ERICH6B: variants seen among roughly 807,000 people sequenced by gnomAD.
ERICH6B encodes the protein glutamate-rich protein 6B.
In ERICH6B, 69 loss-of-function variants were observed where a neutral mutation model predicts 80.0. That is an observed-to-expected ratio of 0.86 (90% confidence interval 0.71 to 1.05). The LOEUF (loss-of-function observed/expected upper bound fraction) is 1.05. Among genes scored for constraint, ERICH6B ranks in the 50% least tolerant of loss-of-function variants. The probability of loss-of-function intolerance (pLI) is 0.00; values close to 1 mark genes in which losing one functional copy is unlikely to be tolerated. For missense variants in ERICH6B, 754 were observed against 796.1 expected (o/e 0.95, Z 0.64); for synonymous variants, 283 against 291.9 (o/e 0.97, Z 0.31).
At position 45,541,372 on chromosome 13, in the gene ERICH6B, A is replaced by C; in HGVS notation, c.*90T>G. The C allele has an allele frequency of 8.9e-7, 1 of 1,126,226 alleles. No homozygotes were observed. The highest frequency in any genetic ancestry group is 1.3e-6 in the Non-Finnish European group (1 of 788,690). 69.8% of individuals were successfully genotyped at this position (1,126,226 alleles called of 1,614,324 possible). The stretch of plus-strand genomic sequence containing the variant: ...CAAATTACAAACCAACTCTCATAAA[A>C]GGTCAACAGGTCTTTGGGTTTTTTT... On this transcript the variant is annotated 3_prime_UTR_variant, in exon 15 of 15. Coordinates refer to ENST00000298738, the MANE Select transcript of ERICH6B (RefSeq NM_182542.3).
intron 5 of ERICH6B, among the ~76,000 whole-genome samples, chr13:45,586,745 T>G (rs1477620972): frequency 6.6e-6 from 1 of 152,154 alleles, no homozygotes; most frequent in African/African-American, 2.4e-5. Flanking sequence ...ATTGTGCCTG[T>G]GTTCATGTAG....
rs370048829 is a variant in ERICH6B, at chr13:45,587,017, C to A, written c.856+46G>T. ...GCACAAAACCATTCCTCCCCTGGCC[C>A]ACAGAGCCCGGCTGCGCCTCACCGA... On this transcript the variant is annotated intron_variant, in intron 5 of 14. Transcript: ENST00000298738. 1.3e-4 allele frequency: 191 copies of A among 1,524,544 alleles called. 1 individual carries two copies. In the African/African-American group the frequency reaches 2.3e-3, roughly 19 times the overall value. 94.4% of individuals were successfully genotyped at this position (1,524,544 alleles called of 1,614,324 possible).
At chr13:45,583,640 T>C (rs773773098) in intron 5 of ERICH6B, among the ~76,000 whole-genome samples, 2 of 152,180 alleles carry the variant, frequency 1.3e-5, no homozygotes, top group Non-Finnish European at 2.9e-5. Flanking sequence ...TGCTGGGAGA[T>C]AACTGAATCA....
intron 4 of ERICH6B, among the ~76,000 whole-genome samples, chr13:45,587,791 C>G (rs757624897): frequency 3.9e-5 from 6 of 152,188 alleles, no homozygotes; most frequent in Non-Finnish European, 4.4e-5. Flanking sequence ...GACACATCAA[C>G]CCACACTATG....
At chr13:45,558,767 T>C (rs1874541984) in intron 11 of ERICH6B, among the ~76,000 whole-genome samples, 1 of 152,250 alleles carries the variant, frequency 6.6e-6, no homozygotes, top group East Asian at 1.9e-4. Flanking sequence ...CATTCCTGCA[T>C]CCCTGGTATG....
intron 2 of ERICH6B, among the ~76,000 whole-genome samples, chr13:45,605,363 G>C (rs1170007413): frequency 1.3e-5 from 2 of 152,206 alleles, no homozygotes; most frequent in Non-Finnish European, 2.9e-5. Flanking sequence ...TCTGTTTCCA[G>C]ACTGGAGTAT....
rs117572178 is a variant in ERICH6B, at chr13:45,567,255, C to T, written c.1187+1060G>A. Among the ~76,000 whole-genome samples the T allele has an allele frequency of 7.5e-3, 1,135 of 152,230 alleles. 12 individuals carry two copies. Among genetic ancestry groups the T allele is most frequent in the African/African-American group, 0.025 (1,048 of 41,530 alleles). ...ACTTGCCTTGTCTCAGATGAGACTT[C>T]GGACTGTAAACTTTTGAATTAATGC... On this transcript the variant is annotated intron_variant, in intron 9 of 14. Transcript: ENST00000298738.
At position 45,596,867 on chromosome 13, in the gene ERICH6B, A is replaced by G. The variant is rs936643863; in HGVS notation, c.139T>C (p.Ser47Pro). 8.4e-6 allele frequency: 13 copies of G among 1,551,684 alleles called. No individual in the cohort carries two copies. The highest frequency in any genetic ancestry group is 1.0e-5 in the Non-Finnish European group (12 of 1,147,022). Residue 47 changes from serine (S) to proline (P), a missense_variant, in exon 3 of 15, where the codon TCT becomes CCT. Coordinates refer to ENST00000298738, the MANE Select transcript of ERICH6B (RefSeq NM_182542.3). Reference protein sequence around the residue: ...ELDEESLQDESPFSPEGESLE... With the variant: ...ELDEESLQDEPPFSPEGESLE... ...GACTCTCCCTCTGGAGAAAATGGAG[A>G]TTCATCCTGTAGACTTTCCTCATCT...
At chr13:45,606,524 TATATATATATATATATATATA>T (rs1949863397) in intron 2 of ERICH6B, among the ~76,000 whole-genome samples, 1 of 33,334 alleles carries the variant, frequency 3.0e-5, no homozygotes, top group Non-Finnish European at 5.2e-5. Context: ...TATATATATA[TATATATATATATATATATATA>T]TATTTTTTTT....
intron 3 of ERICH6B, among the ~76,000 whole-genome samples, chr13:45,595,033 G>A (rs185118625): frequency 1.1e-3 from 169 of 152,294 alleles, no homozygotes; most frequent in African/African-American, 3.9e-3. Flanking sequence ...TGCTGAAACA[G>A]TGTTGGAAAA....
rs146254566 is a variant in ERICH6B at position 45,542,527 on chromosome 13, G to A, written c.1873-847C>T. ...TGCACAGGCACAGCTGCCCCTCCCC[G>A]GGACTCTAGCTCTCCAAGGCGTCAG... On this transcript the variant is annotated intron_variant, in intron 14 of 14. Transcript: ENST00000298738. 4.0e-3 allele frequency among the ~76,000 whole-genome samples: 612 copies of A among 152,274 alleles called. 6 individuals are homozygous for A. Among genetic ancestry groups the A allele is most frequent in the South Asian group, 0.035 (168 of 4,820 alleles).
Position 45,610,857 on chromosome 13 carries a change from GTA to G in ERICH6B, c.-110-3244_-110-3243del, listed in dbSNP as rs1555306981. 2.3e-4 allele frequency among the ~76,000 whole-genome samples: 34 copies of G among 147,042 alleles called. No homozygotes were observed. The East Asian group carries it at 6.0e-3, about 26-fold the overall frequency. On this transcript the variant is annotated intron_variant, in intron 1 of 14. Transcript: ENST00000298738. ...ACTGTGTGTGTGTGTGTGTGTGTGT[GTA>G]TATATATATTTATATATAATATACA...
chr13:45,587,144 T>C lies in ERICH6B; in HGVS notation c.775A>G (p.Thr259Ala). The change falls in exon 5 of 15, where the codon ACA becomes GCA. Residue 259 changes from threonine (T) to alanine (A), a missense_variant. Thr to Ala is a moderately conservative substitution (Grantham distance 58, BLOSUM62 0). Transcript: ENST00000298738. ...GTCAGAAGCAACTCAGAAGACTCTG[T>C]GGCAGATTCAGAGACAGGAGAAGGG... ...ATPSPVSESATESSELLLTLY... is the reference protein window; with the variant it reads ...ATPSPVSESAAESSELLLTLY... 6.4e-7 allele frequency: 1 copy of C among 1,551,632 alleles called. No individual in the cohort carries two copies. The highest frequency in any genetic ancestry group is 8.7e-7 in the Non-Finnish European group (1 of 1,146,972).
At position 45,550,226 on chromosome 13, in the gene ERICH6B, G is replaced by A. The variant is rs1283207256; in HGVS notation, c.1493+5C>T. The A allele has an allele frequency of 6.4e-7, 1 of 1,550,668 alleles. No homozygotes were observed. The highest frequency in any genetic ancestry group is 2.0e-5 in the Admixed American group (1 of 50,992). On this transcript the variant is annotated splice_donor_5th_base_variant and intron_variant, in intron 12 of 14. Coordinates refer to ENST00000298738, the MANE Select transcript of ERICH6B (RefSeq NM_182542.3). ...ATACGAGCATCCCTGTGCTTCTGTG[G>A]ATACTGTATCTGGCCTGTCCCATCA... is the stretch of plus-strand genomic sequence containing the variant.
Position 45,591,528 on chromosome 13 carries a change from G to A in ERICH6B, c.638-831C>T, listed in dbSNP as rs187379539. 8.0e-4 allele frequency among the ~76,000 whole-genome samples: 122 copies of A among 152,244 alleles called. 1 individual carries two copies. The South Asian group carries it at 0.015, about 18-fold the overall frequency. On this transcript the variant is annotated intron_variant, in intron 3 of 14. Transcript: ENST00000298738. ...GGAGAATGGCGTGAACCCAGGAGGC[G>A]GAGCTTGCACTGAGCCAAGATGGCA...
chr13:45,541,818 C>T, intron 14 of ERICH6B, 138 bp from the exon 15 acceptor site: 1 of 698,448 alleles, frequency 1.4e-6, no homozygotes, highest in South Asian at 1.9e-5. Flanking sequence ...TGTTCTCAGC[C>T]CTGCCACCTG....
intron 2 of ERICH6B, among the ~76,000 whole-genome samples, chr13:45,606,607 G>A (rs1289195878): frequency 1.5e-5 from 2 of 135,438 alleles, no homozygotes; most frequent in Admixed American, 1.6e-4. Context: ...AGGCCAGAGT[G>A]CAGTGGTGTA....
intron 8 of ERICH6B, among the ~76,000 whole-genome samples, chr13:45,569,449 A>G (rs571416992): frequency 9.7e-4 from 148 of 152,324 alleles, no homozygotes; most frequent in African/African-American, 3.3e-3. Context: ...TTATTTGGCC[A>G]GTTTGATCAT....
chr13:45,597,315 A>G (rs1381535657), intron 2 of ERICH6B, among the ~76,000 whole-genome samples: 1 of 152,186 alleles, frequency 6.6e-6, no homozygotes, highest in Non-Finnish European at 1.5e-5. Flanking sequence ...GTCAATGGGG[A>G]GGGCTGGAAA....
Sources: allele counts gnomAD v4.1 joint callset (sites outside exome capture counted in the v4.1 genomes callset), GRCh38; gene constraint gnomAD v4.1.1; transcripts MANE v1.5; gene names NCBI Gene and HGNC (gene_info 2026-07-23, HGNC 2026-07-21).